Variants in PLEKHG4B observed in about 807,000 individuals in gnomAD.
The protein encoded by PLEKHG4B is pleckstrin homology domain-containing family G member 4B.
Under a neutral mutation model 121.3 loss-of-function variants are expected in PLEKHG4B, and 111 were observed. The ratio of observed to expected loss-of-function variants is 0.92; its 90% CI spans 0.78 to 1.07. PLEKHG4B has a LOEUF of 1.07. PLEKHG4B is among the 50% of genes least tolerant of loss of function. PLEKHG4B has a pLI of 0.00. For missense variants in PLEKHG4B, 1,831 were observed against 1,757.8 expected, an observed-to-expected ratio of 1.04 and a Z score of -0.74; for synonymous variants, 738 against 725.0, an observed-to-expected ratio of 1.02 and a Z score of -0.29.
At chr5:135,787 A>G (rs983599190) in intron 2 of PLEKHG4B, among the ~76,000 whole-genome samples, 4 of 140,630 alleles carry the variant, frequency 2.8e-5, no homozygotes, top group Admixed American at 7.3e-5. Flanking sequence ...TAAAGTCTCA[A>G]TGGTGTTTTT....
At chr5:104,342 C>G (rs1381143338) in intron 1 of PLEKHG4B, among the ~76,000 whole-genome samples, 1 of 152,212 alleles carries the variant, frequency 6.6e-6, no homozygotes, top group African/African-American at 2.4e-5. Flanking sequence ...GTGCATGTGC[C>G]AGTAACTTAA....
At chr5:114,341 A>T (rs77689483) in intron 2 of PLEKHG4B, among the ~76,000 whole-genome samples, 1 of 152,224 alleles carries the variant, frequency 6.6e-6, no homozygotes, top group African/African-American at 2.4e-5. Context: ...TCAGAATTGG[A>T]GTCGATCCTC....
At chr5:107,679 G>A (rs908396388) in intron 1 of PLEKHG4B, among the ~76,000 whole-genome samples, 7 of 152,240 alleles carry the variant, frequency 4.6e-5, no homozygotes, top group African/African-American at 9.6e-5. Context: ...CCTGGAGGAC[G>A]GGGGTTGCCC....
Position 143,134 on chromosome 5 carries a change from G to A in PLEKHG4B, c.1565G>A (p.Arg522Gln), listed in dbSNP as rs115149634. ...AGCGGGCCTTCCGATGTGCCTGCCC[G>A]GCAGCCACACCCCGAGCAAGAAGGG... ...NPSGPSDVPA[R>Q]QPHPEQEGWP... The change falls in exon 4 of 20, where the codon CGG becomes CAG. Residue 522 changes from arginine to glutamine, a missense_variant. Coordinates refer to ENST00000637938, the MANE Select transcript of PLEKHG4B (RefSeq NM_052909.5). 9.3e-5 allele frequency: 150 copies of A among 1,612,610 alleles called. No homozygotes were observed. In the East Asian group the frequency reaches 1.4e-3, roughly 15 times the overall value.
chr5:161,450 C>T (rs547850664), intron 11 of PLEKHG4B, among the ~76,000 whole-genome samples: 22 of 152,354 alleles, frequency 1.4e-4, no homozygotes, highest in East Asian at 9.6e-4. Flanking sequence ...CGGGTGGTTA[C>T]GCAGCCAGGC....
chr5:143,805 G>A (rs934591093), intron 5 of PLEKHG4B, among the ~76,000 whole-genome samples: 3 of 152,196 alleles, frequency 2.0e-5, no homozygotes, highest in African/African-American at 7.2e-5. Context: ...TGCAGCTTCT[G>A]CCGGCTTTGA....
intron 13 of PLEKHG4B, among the ~76,000 whole-genome samples, chr5:165,556 A>G (rs1339071979): frequency 6.0e-5 from 2 of 33,380 alleles, no homozygotes; most frequent in Admixed American, 2.5e-4. Flanking sequence ...TAATGCTCTG[A>G]CGGGGCGGGG....
At chr5:142,401 C>G (rs1735238495) in intron 3 of PLEKHG4B, among the ~76,000 whole-genome samples, 1 of 151,860 alleles carries the variant, frequency 6.6e-6, no homozygotes, top group Non-Finnish European at 1.5e-5. Flanking sequence ...ACACAACACA[C>G]ACAGTCACAT....
intron 6 of PLEKHG4B, among the ~76,000 whole-genome samples, chr5:147,526 G>A (rs1735458646): frequency 6.6e-6 from 1 of 151,972 alleles, no homozygotes; most frequent in Admixed American, 6.5e-5. Context: ...GTGACATCAG[G>A]GTGGAAAAAA....
At chr5:104,902 C>T (rs1421244098) in intron 1 of PLEKHG4B, among the ~76,000 whole-genome samples, 1 of 152,254 alleles carries the variant, frequency 6.6e-6, no homozygotes, top group African/African-American at 2.4e-5. Context: ...GAACAAGGTG[C>T]CAGCTCCCTC....
intron 6 of PLEKHG4B, among the ~76,000 whole-genome samples, chr5:148,538 T>C (rs890621012): frequency 1.3e-5 from 2 of 152,118 alleles, no homozygotes; most frequent in Admixed American, 6.5e-5. Context: ...GAAAGACTTT[T>C]TCACTGAAAA....
rs1735911022 is a variant in PLEKHG4B, at chr5:159,232, G to A, written c.2487+2321G>A. Reference sequence around the variant, plus strand: ...AGGTGTGCCTGAGGGTCGCCCAGGTGCACTGAGGGCAGGTGTGCCTGAGGG... The same window carrying A: ...AGGTGTGCCTGAGGGTCGCCCAGGTACACTGAGGGCAGGTGTGCCTGAGGG... On this transcript the variant is annotated intron_variant, in intron 11 of 19. Transcript: ENST00000637938. The surrounding 1 kb of genome is among the most constrained non-coding windows in gnomAD (Gnocchi z 5.5). Among the ~76,000 whole-genome samples, 1 of 123,228 alleles carries A rather than the reference G, an allele frequency of 8.1e-6. No homozygotes were observed. The highest frequency in any genetic ancestry group is 1.7e-5 in the Non-Finnish European group (1 of 59,194). 80.8% of individuals were successfully genotyped at this position (123,228 alleles called of 152,430 possible).
intron 1 of PLEKHG4B, among the ~76,000 whole-genome samples, chr5:101,814 G>C (rs887746671): frequency 2.6e-5 from 3 of 116,252 alleles, no homozygotes; most frequent in African/African-American, 1.4e-4. Flanking sequence ...TCCATATAAA[G>C]CCCTGGAGAA....
intron 18 of PLEKHG4B, among the ~76,000 whole-genome samples, chr5:178,698 T>C (rs1736839404): frequency 6.6e-6 from 1 of 152,242 alleles, no homozygotes; most frequent in Non-Finnish European, 1.5e-5. Context: ...ACAGAGCCTC[T>C]TTGATCATAA....
chr5:163,636 A>C lies in PLEKHG4B; in HGVS notation c.3476+88A>C, dbSNP rs531930049. 8.8e-4 allele frequency: 987 copies of C among 1,116,250 alleles called. 1 individual carries two copies. Among genetic ancestry groups the C allele is most frequent in the Non-Finnish European group, 1.0e-3 (841 of 807,500 alleles). The allele number at this position is 1,116,250 out of a possible 1,614,324, so 69.1% of individuals were successfully genotyped here. ...ATTTAGGCAGTAAACTCTCTTCTGC[A>C]AAGTAGAAAGTAAATCCGCAGACAT... is the stretch of plus-strand genomic sequence containing the variant. On this transcript the variant is annotated intron_variant, in intron 13 of 19. Coordinates refer to ENST00000637938, the MANE Select transcript of PLEKHG4B (RefSeq NM_052909.5).
intron 6 of PLEKHG4B, among the ~76,000 whole-genome samples, chr5:149,498 G>T (rs1735533514): frequency 6.6e-6 from 1 of 152,150 alleles, no homozygotes; most frequent in Non-Finnish European, 1.5e-5. Flanking sequence ...CCATGGTCAT[G>T]CCACTGCACT....
Position 173,141 on chromosome 5 carries a change from C to G in PLEKHG4B, c.4221+74C>G, listed in dbSNP as rs1579326417. 12 of 1,470,290 alleles carry G rather than the reference C, an allele frequency of 8.2e-6. No homozygotes were observed. In the East Asian group the frequency reaches 2.3e-4, roughly 28 times the overall value. The allele number at this position is 1,470,290 out of a possible 1,614,324, so 91.1% of individuals were successfully genotyped here. On this transcript the variant is annotated intron_variant, in intron 17 of 19. Transcript: ENST00000637938. ...AGGGGGTCTCGGACCCTTGTCTCAC[C>G]TAAGGCCAGCAGAGGAACTGGGAGG...
At chr5:143,881 TA>T (rs1322035851) in intron 5 of PLEKHG4B, among the ~76,000 whole-genome samples, 1 of 152,214 alleles carries the variant, frequency 6.6e-6, no homozygotes, top group Non-Finnish European at 1.5e-5. Context: ...ACACACAACT[TA>T]ATTAGAATGT....
At chr5:103,764 AATT>A (rs1473508452) in intron 1 of PLEKHG4B, among the ~76,000 whole-genome samples, 1 of 152,186 alleles carries the variant, frequency 6.6e-6, no homozygotes, top group African/African-American at 2.4e-5. Flanking sequence ...CTATACAACA[AATT>A]ATTAACTGTA....
Sources: allele counts gnomAD v4.1 joint callset (sites outside exome capture counted in the v4.1 genomes callset), GRCh38; gene constraint gnomAD v4.1.1; non-coding constraint Gnocchi (gnomAD v3.1); transcripts MANE v1.5; gene names NCBI Gene and HGNC (gene_info 2026-07-23, HGNC 2026-07-21).